The following TIAM1 variants were observed in gnomAD, a reference collection of about 807,000 sequenced individuals.
TIAM1 encodes rho guanine nucleotide exchange factor TIAM1.
In TIAM1, 65 loss-of-function variants were observed where a neutral mutation model predicts 163.5. The observed-to-expected ratio is 0.40, with a 90% CI of 0.33 to 0.49. TIAM1 has a LOEUF of 0.49. Ranked by LOEUF, TIAM1 falls within the 20% of genes least tolerant of loss-of-function variation. The probability of loss-of-function intolerance (pLI) is 0.77; values close to 1 mark genes in which losing one functional copy is unlikely to be tolerated. For synonymous variants in TIAM1, 833 were observed against 810.1 expected, an observed-to-expected ratio of 1.03 and a Z score of -0.48; for missense variants, 1,789 against 2,044.7, an observed-to-expected ratio of 0.87 and a Z score of 2.41.
At chr21:31,182,707 G>A in intron 14 of TIAM1, 62 bp from the exon 15 acceptor site, 1 of 1,527,464 alleles carries the variant, frequency 6.5e-7, no homozygotes. Context: ...AACAGCTTAG[G>A]AGCTCTGCTA....
chr21:31,292,732 G>C (rs2074076814), intron 2 of TIAM1, among the ~76,000 whole-genome samples: 1 of 148,354 alleles, frequency 6.7e-6, no homozygotes. Flanking sequence ...GCAACGCGGT[G>C]ATCTCAGCTC....
At chr21:31,205,276 C>T (rs140823502) in intron 11 of TIAM1, among the ~76,000 whole-genome samples, 47 of 152,262 alleles carry the variant, frequency 3.1e-4, no homozygotes, top group African/African-American at 1.1e-3. Flanking sequence ...CATCTGTTTC[C>T]GACTGAGGCG....
At chr21:31,297,916 C>T (rs1381804445) in intron 2 of TIAM1, among the ~76,000 whole-genome samples, 2 of 151,980 alleles carry the variant, frequency 1.3e-5, no homozygotes, top group Non-Finnish European at 1.5e-5. Flanking sequence ...ACCAATTGCC[C>T]GAGTATGACG....
chr21:31,359,843 AGG>A (rs2076377842), intron 2 of TIAM1, among the ~76,000 whole-genome samples: 5 of 136,280 alleles, frequency 3.7e-5, no homozygotes, highest in Non-Finnish European at 1.5e-5. Flanking sequence ...GAAGGAAGGA[AGG>A]AAGGAAGGAA....
chr21:31,506,261 T>C (rs73199518), intron 1 of TIAM1, among the ~76,000 whole-genome samples: 1 of 148,612 alleles, frequency 6.7e-6, no homozygotes, highest in Non-Finnish European at 1.5e-5. Context: ...CTCACACACG[T>C]ACACACACAC....
At chr21:31,431,898 C>A (rs1032429297) in intron 2 of TIAM1, among the ~76,000 whole-genome samples, 1 of 152,138 alleles carries the variant, frequency 6.6e-6, no homozygotes, top group African/African-American at 2.4e-5. Flanking sequence ...ATCCCTTAAC[C>A]GAAATGCAAC....
Position 31,146,945 on chromosome 21 carries a change from T to C in TIAM1, c.3425A>G (p.Tyr1142Cys). The C allele has an allele frequency of 6.2e-7, 1 of 1,614,148 alleles. No homozygotes were observed. The highest frequency in any genetic ancestry group is 8.5e-7 in the Non-Finnish European group (1 of 1,180,028). The change falls in exon 20 of 28, where the codon TAC becomes TGC. Residue 1142 changes from tyrosine (Y) to cysteine (C), a missense_variant. Physicochemically the swap from Tyr to Cys is radical, Grantham distance 194. This residue lies in a region of TIAM1 where 303 missense variants were observed against 321.3 expected (regional missense o/e 0.94). Transcript: ENST00000541036. ...FLYYADRFKLYSAFCASHTKV... is the reference protein window; with the variant it reads ...FLYYADRFKLCSAFCASHTKV... ...TGTGTGGCTGGCGCAGAAGGCACTG[T>C]AGAGCTTGAAGCGGTCAGCATAATA...
chr21:31,348,544 C>T (rs2064649658), upstream of TIAM1, among the ~76,000 whole-genome samples: 1 of 152,188 alleles, frequency 6.6e-6, no homozygotes, highest in South Asian at 2.1e-4. Flanking sequence ...CATATTTGGA[C>T]TGCTATGGAA....
chr21:31,402,462 G>A (rs912910563), intron 2 of TIAM1, among the ~76,000 whole-genome samples: 1 of 152,036 alleles, frequency 6.6e-6, no homozygotes, highest in Non-Finnish European at 1.5e-5. Context: ...AGAGATGCAG[G>A]ACCAACGTCT....
chr21:31,328,910 T>G lies in TIAM1; in HGVS notation c.-189+10333A>C, dbSNP rs962433484. On this transcript the variant is annotated intron_variant, in intron 2 of 27. Transcript: ENST00000541036. ...ATATTCCTGCCTTGGCCTCCCAAAG[T>G]GCTGGAATTACAGGTGTGAGCTACC... 3.9e-5 allele frequency among the ~76,000 whole-genome samples: 6 copies of G among 152,162 alleles called. No individual in the cohort carries two copies. In the South Asian group the frequency reaches 8.3e-4, roughly 21 times the overall value.
chr21:31,382,488 A>G (rs2076794799), intron 2 of TIAM1, among the ~76,000 whole-genome samples: 1 of 152,246 alleles, frequency 6.6e-6, no homozygotes, highest in African/African-American at 2.4e-5. Context: ...ATCTCATGAA[A>G]GAAAGCAAGA....
At chr21:31,485,314 C>A (rs1171019470) in intron 1 of TIAM1, among the ~76,000 whole-genome samples, 2 of 152,112 alleles carry the variant, frequency 1.3e-5, no homozygotes, top group Non-Finnish European at 1.5e-5. Context: ...ATGGGCTATT[C>A]TCATCCTCAC....
chr21:31,286,473 C>T (rs1460962541), intron 2 of TIAM1, among the ~76,000 whole-genome samples: 5 of 151,720 alleles, frequency 3.3e-5, no homozygotes, highest in Admixed American at 6.6e-5. Flanking sequence ...TTTGGGAAGC[C>T]GAAACAGGAA....
intron 2 of TIAM1, among the ~76,000 whole-genome samples, chr21:31,333,277 T>C (rs2075735379): frequency 6.6e-6 from 1 of 152,132 alleles, no homozygotes; most frequent in African/African-American, 2.4e-5. Flanking sequence ...CAACTCCGTT[T>C]TTTTCAGCAG....
chr21:31,506,573 C>T (rs1190738644), intron 1 of TIAM1, among the ~76,000 whole-genome samples: 1 of 152,178 alleles, frequency 6.6e-6, no homozygotes, highest in African/African-American at 2.4e-5. Context: ...GCTAATTTTA[C>T]TTAACGTAAT....
intron 2 of TIAM1, among the ~76,000 whole-genome samples, chr21:31,332,619 C>T (rs1205424421): frequency 1.3e-5 from 2 of 149,646 alleles, no homozygotes; most frequent in African/African-American, 4.9e-5. Context: ...TTTTTTTTCA[C>T]CAAAAGAGAA....
chr21:31,247,120 C>T (rs999415967), intron 5 of TIAM1, among the ~76,000 whole-genome samples: 7 of 151,938 alleles, frequency 4.6e-5, no homozygotes, highest in Non-Finnish European at 8.8e-5. Context: ...AGGAGTTCAA[C>T]ACCAGTGTGG....
At chr21:31,292,635 G>T (rs565824742) in intron 2 of TIAM1, among the ~76,000 whole-genome samples, 202 of 150,240 alleles carry the variant, frequency 1.3e-3, no homozygotes, top group African/African-American at 4.3e-3. Context: ...CTCCCAAAGT[G>T]CTGGGATTAC....
At chr21:31,146,292 G>C (rs1388219724) in intron 20 of TIAM1, among the ~76,000 whole-genome samples, 3 of 151,482 alleles carry the variant, frequency 2.0e-5, no homozygotes, top group African/African-American at 7.3e-5. Flanking sequence ...AAATTAGCCA[G>C]GTGTGGTGGC....
Sources: allele counts gnomAD v4.1 joint callset (sites outside exome capture counted in the v4.1 genomes callset), GRCh38; gene constraint gnomAD v4.1.1; regional missense constraint gnomAD v4.1.1; transcripts MANE v1.5; gene names NCBI Gene and HGNC (gene_info 2026-07-23, HGNC 2026-07-21).